The following ABHD18 variants were observed in gnomAD, a reference collection of about 807,000 sequenced individuals.
The protein encoded by ABHD18 is cardiolipin-specific deacylase, mitochondrial.
In ABHD18, 55 loss-of-function variants were observed where a neutral mutation model predicts 65.9. The ratio of observed to expected loss-of-function variants is 0.84; its 90% CI spans 0.67 to 1.05. The LOEUF (loss-of-function observed/expected upper bound fraction) is 1.05, where lower values mean the gene tolerates loss of function less well. Ranked by LOEUF, ABHD18 falls within the 50% of genes least tolerant of loss-of-function variation. The probability of loss-of-function intolerance (pLI) is 0.00; values close to 1 mark genes in which losing one functional copy is unlikely to be tolerated. For synonymous variants in ABHD18, 181 were observed against 180.2 expected (o/e 1.00, Z -0.04); for missense variants, 533 against 558.5 (o/e 0.95, Z 0.46).
Position 128,033,870 on chromosome 4 carries a change from G to C in ABHD18, c.1344-1892G>C, listed in dbSNP as rs574430523. On this transcript the variant is annotated intron_variant, in intron 12 of 12. Transcript: ENST00000645843. ...CTTAATAGCTGTGTTTGGATGTGAG[G>C]ATATGGTTAGTTGAACAAGTGGGAT... is the stretch of plus-strand genomic sequence containing the variant. 3.6e-4 allele frequency among the ~76,000 whole-genome samples: 54 copies of C among 151,628 alleles called. No individual in the cohort carries two copies. The South Asian group carries it at 6.3e-3, about 18-fold the overall frequency.
intron 4 of ABHD18, among the ~76,000 whole-genome samples, chr4:128,007,347 A>C (rs1045204602): frequency 5.3e-5 from 8 of 151,590 alleles, no homozygotes; most frequent in Admixed American, 4.6e-4. Context: ...AAAAAAAAAA[A>C]AGGTTAAAAT....
chr4:127,992,821 G>T (rs1013554773), intron 4 of ABHD18, among the ~76,000 whole-genome samples: 1 of 152,092 alleles, frequency 6.6e-6, no homozygotes, highest in African/African-American at 2.4e-5. Context: ...TGAGATTACA[G>T]ACTTGAGCCA....
intron 9 of ABHD18, 108 bp downstream of exon 9, chr4:128,020,277 T>C (rs1579411676): frequency 1.3e-5 from 10 of 749,312 alleles, no homozygotes; most frequent in South Asian, 4.7e-5. Context: ...GAAAGAATTA[T>C]AGGACTCAGG....
intron 7 of ABHD18, 113 bp from the exon 8 acceptor site, chr4:128,017,250 C>A: frequency 1.0e-6 from 1 of 979,134 alleles, no homozygotes; most frequent in South Asian, 1.7e-5. Flanking sequence ...TTTTACTTAA[C>A]TATCTGGTCC....
chr4:127,976,007 G>T (rs982354034), intron 1 of ABHD18, among the ~76,000 whole-genome samples: 13 of 151,984 alleles, frequency 8.6e-5, no homozygotes, highest in African/African-American at 2.9e-4. Context: ...TGTATTTTTA[G>T]TAGAGATGGG....
intron 1 of ABHD18, among the ~76,000 whole-genome samples, chr4:127,979,194 C>T (rs767383376): frequency 2.0e-5 from 3 of 152,138 alleles, no homozygotes; most frequent in Non-Finnish European, 4.4e-5. Flanking sequence ...AGCTTTGCAG[C>T]TGTTTATAAA....
intron 4 of ABHD18, among the ~76,000 whole-genome samples, chr4:127,995,957 A>T (rs2149099271): frequency 6.6e-6 from 1 of 152,350 alleles, no homozygotes; most frequent in East Asian, 1.9e-4. Context: ...GCCATGACTC[A>T]GCCACTCAGC....
chr4:128,028,429 C>T (rs1036541327), intron 10 of ABHD18, 46 bp from the exon 11 acceptor site: 23 of 1,340,132 alleles, frequency 1.7e-5, no homozygotes, highest in Non-Finnish European at 2.1e-5. Flanking sequence ...GCTGTTAATA[C>T]CCTATTTTAT....
intron 2 of ABHD18, 134 bp downstream of exon 2, chr4:127,983,181 ATTTC>A: frequency 1.7e-6 from 1 of 574,776 alleles, no homozygotes; most frequent in Non-Finnish European, 3.0e-6. Context: ...AAATGTAATT[ATTTC>A]CTTTTTACTT....
chr4:127,973,910 G>A (rs575721798), intron 1 of ABHD18, among the ~76,000 whole-genome samples: 3 of 150,884 alleles, frequency 2.0e-5, no homozygotes, highest in East Asian at 3.9e-4. Flanking sequence ...CTGAGTAAGC[G>A]TGGAAGTGAG....
intron 1 of ABHD18, among the ~76,000 whole-genome samples, chr4:127,980,639 C>T (rs1289554280): frequency 4.6e-5 from 7 of 151,698 alleles, no homozygotes; most frequent in African/African-American, 1.7e-4. Flanking sequence ...GCCTGGACGA[C>T]ATGGTGAAAC....
chr4:127,988,918 C>G (rs1032201060), intron 3 of ABHD18, among the ~76,000 whole-genome samples: 2 of 152,140 alleles, frequency 1.3e-5, no homozygotes, highest in African/African-American at 4.8e-5. Context: ...GCAATCCCCC[C>G]ACTGGGTATA....
At chr4:128,008,885 G>T (rs1754077678) in intron 4 of ABHD18, 35 bp from the exon 5 acceptor site, 7 of 1,468,682 alleles carry the variant, frequency 4.8e-6, no homozygotes, top group Non-Finnish European at 6.5e-6. Context: ...CCTTTAAAGA[G>T]AATTTTATTG....
chr4:127,982,833 C>T (rs1749292560), intron 1 of ABHD18, 106 bp from the exon 2 acceptor site: 3 of 603,090 alleles, frequency 5.0e-6, no homozygotes, highest in East Asian at 6.0e-5. Flanking sequence ...ATTAATTCGT[C>T]TCAATCTTTA....
In ABHD18 at chr4:128,017,365, G is replaced by T. The variant is rs1294931929; in HGVS notation, c.473G>T (p.Arg158Met). The T allele has an allele frequency of 6.2e-7, 1 of 1,611,350 alleles. No individual in the cohort carries two copies. Among genetic ancestry groups the T allele is most frequent in the Admixed American group, 1.7e-5 (1 of 59,292 alleles). ...TCTATTTTGTTTTGTGAGGCTAGAA[G>T]GTCCAGCTTAAAAAATGTGTCCGAC... ...YGCRKPKDQVRSSLKNVSDLF... is the reference protein window; with the variant it reads ...YGCRKPKDQVMSSLKNVSDLF... The change falls in exon 8 of 13, where the codon AGG becomes ATG. Residue 158 changes from arginine (R) to methionine (M), a missense_variant and splice_region_variant. Arg to Met is a moderately conservative substitution (Grantham distance 91). Around this residue, in one of 3 missense-constraint regions of ABHD18, gnomAD observed 309 missense variants for 313.5 expected, o/e 0.99. Coordinates refer to ENST00000645843, the MANE Select transcript of ABHD18 (RefSeq NM_001358451.3).
intron 3 of ABHD18, among the ~76,000 whole-genome samples, chr4:127,987,706 CA>C (rs113640812): frequency 0.015 from 1,767 of 114,558 alleles, 44 homozygotes; most frequent in African/African-American, 0.052. Flanking sequence ...GAGCAAGACT[CA>C]AAAAAAAAAA....
In ABHD18 at chr4:127,968,888, A is replaced by G. The variant is rs555983144; in HGVS notation, c.-18+3282A>G. Among the ~76,000 whole-genome samples, 32 of 152,198 alleles carry G rather than the reference A, an allele frequency of 2.1e-4. No homozygotes were observed. The South Asian group carries it at 6.4e-3, about 31-fold the overall frequency. ...TGGATTTTTATCTGTTCATGGTGGC[A>G]CTAGATACCCTGGACCCAGCCAACC... On this transcript the variant is annotated intron_variant, in intron 1 of 12. Transcript: ENST00000645843.
At chr4:127,974,775 AC>A (rs2149047367) in intron 1 of ABHD18, among the ~76,000 whole-genome samples, 1 of 151,764 alleles carries the variant, frequency 6.6e-6, no homozygotes, top group African/African-American at 2.4e-5. Context: ...AGGGTGGATC[AC>A]CTGAGGTCAG....
chr4:128,001,103 C>G (rs1752563724), intron 4 of ABHD18, among the ~76,000 whole-genome samples: 1 of 152,098 alleles, frequency 6.6e-6, no homozygotes, highest in African/African-American at 2.4e-5. Flanking sequence ...TTGACTTCCT[C>G]TGTTTCTATT....
Sources: gnomAD v4.1 joint callset for allele counts (sites outside exome capture counted in the v4.1 genomes callset) on GRCh38, gnomAD v4.1.1 for gene constraint, gnomAD v4.1.1 regional missense constraint, MANE v1.5 for transcripts, NCBI Gene and HGNC (gene_info 2026-07-23, HGNC 2026-07-21) for gene names.